The following CAST variants were observed in gnomAD, a reference collection of about 807,000 sequenced individuals.
The protein encoded by CAST is MIR583 host.
Under a neutral mutation model 119.6 loss-of-function variants are expected in CAST, and 76 were observed. The ratio of observed to expected loss-of-function variants is 0.64; its 90% confidence interval spans 0.53 to 0.77. The LOEUF (loss-of-function observed/expected upper bound fraction) is 0.77. Ranked by LOEUF, CAST falls within the 30% of genes least tolerant of loss-of-function variation. CAST has a pLI of 0.00. For missense variants in CAST, 953 were observed against 946.5 expected (o/e 1.01, Z -0.09); for synonymous variants, 319 against 331.6 (o/e 0.96, Z 0.41).
At chr5:96,078,552 C>A in the CAST span, among the ~76,000 whole-genome samples, 1 of 152,116 alleles carries the variant, frequency 6.6e-6, no homozygotes, top group Admixed American at 6.6e-5. Context: ...TGCCACCACG[C>A]CCGGCTAATT....
the CAST span, chr5:96,393,398 C>T: frequency 6.2e-7 from 1 of 1,613,088 alleles, no homozygotes; most frequent in Admixed American, 1.7e-5. Flanking sequence ...AGAATGCCAT[C>T]CACAAAGGGA....
chr5:95,980,118 AAAAC>A, the CAST span, among the ~76,000 whole-genome samples: 2,867 of 152,126 alleles, frequency 0.019, 80 homozygotes, highest in African/African-American at 0.064. Flanking sequence ...ACTCCATCTC[AAAAC>A]AAACAAACAA....
At chr5:96,016,565 C>T in the CAST span, among the ~76,000 whole-genome samples, 1 of 152,180 alleles carries the variant, frequency 6.6e-6, no homozygotes, top group Admixed American at 6.5e-5. Flanking sequence ...ATTTGTCATA[C>T]CTGCACACGG....
chr5:96,168,289 C>G, the CAST span, among the ~76,000 whole-genome samples: 18 of 152,262 alleles, frequency 1.2e-4, no homozygotes, highest in African/African-American at 4.1e-4. Flanking sequence ...CTTTTGATGG[C>G]CCTTGCAGTG....
intron 25 of CAST, among the ~76,000 whole-genome samples, chr5:96,763,711 A>C (rs1217729957): frequency 6.6e-6 from 1 of 152,210 alleles, no homozygotes; most frequent in Non-Finnish European, 1.5e-5. Flanking sequence ...AATTCACGGG[A>C]GCTTTCTTTG....
At chr5:96,452,640 TAA>T in the CAST span, among the ~76,000 whole-genome samples, 7 of 90,136 alleles carry the variant, frequency 7.8e-5, no homozygotes, top group African/African-American at 2.0e-4. Context: ...TAAAGTATAA[TAA>T]AAAAAAAAAA....
chr5:96,156,872 T>C, the CAST span, among the ~76,000 whole-genome samples: 53 of 152,346 alleles, frequency 3.5e-4, no homozygotes, highest in African/African-American at 1.2e-3. Flanking sequence ...TTGAACTGCC[T>C]ACAGCAAAGG....
the CAST span, among the ~76,000 whole-genome samples, chr5:96,057,932 CT>C: frequency 1.3e-5 from 2 of 152,128 alleles, no homozygotes; most frequent in Non-Finnish European, 2.9e-5. Flanking sequence ...CATTTGCATA[CT>C]TTTCTTATGG....
At chr5:96,524,096 T>A (rs929265072), upstream of CAST, among the ~76,000 whole-genome samples, 1 of 152,212 alleles carries the variant, frequency 6.6e-6, no homozygotes, top group Admixed American at 6.5e-5. Flanking sequence ...GGAGCAGGGA[T>A]AGATCATTGA....
intron 1 of CAST, among the ~76,000 whole-genome samples, chr5:96,643,747 C>T (rs1411709802): frequency 3.9e-5 from 6 of 152,148 alleles, no homozygotes; most frequent in African/African-American, 1.4e-4. Flanking sequence ...GTGGCGCGCA[C>T]CTGTAATCCC....
Position 96,544,617 on chromosome 5 carries a change from AAAG to A in CAST, c.60+14741_60+14743del, listed in dbSNP as rs577980591. On this transcript the variant is annotated intron_variant, in intron 1 of 11. Transcript: ENST00000505143. ...TTAAGGAAACCATTAAAACAATAAAAAAGAAGTATAATTGATAAGCTGAGAGAT... is the reference window on the plus strand; with the variant it reads ...TTAAGGAAACCATTAAAACAATAAAAAAGTATAATTGATAAGCTGAGAGAT... 1.8e-3 allele frequency among the ~76,000 whole-genome samples: 277 copies of A among 152,266 alleles called. 3 individuals carry two copies. The highest frequency in any genetic ancestry group is 6.2e-3 in the African/African-American group (259 of 41,572).
chr5:96,227,178 A>G, the CAST span, among the ~76,000 whole-genome samples: 7 of 152,304 alleles, frequency 4.6e-5, no homozygotes, highest in Non-Finnish European at 1.0e-4. Context: ...AATTCTCTGT[A>G]AAAAATGAAG....
the CAST span, among the ~76,000 whole-genome samples, chr5:96,268,433 C>T: frequency 6.6e-6 from 1 of 151,966 alleles, no homozygotes; most frequent in African/African-American, 2.4e-5. Context: ...TTATAATTAG[C>T]TGAATATGGA....
At chr5:96,334,045 A>G in the CAST span, among the ~76,000 whole-genome samples, 1 of 152,178 alleles carries the variant, frequency 6.6e-6, no homozygotes, top group Non-Finnish European at 1.5e-5. Context: ...CTATTAGCAA[A>G]CTTGCTACCT....
chr5:95,993,443 G>C, the CAST span, among the ~76,000 whole-genome samples: 1 of 152,108 alleles, frequency 6.6e-6, no homozygotes, highest in African/African-American at 2.4e-5. Context: ...AGACATTTTT[G>C]GTTATCACAA....
At chr5:96,169,997 A>G in the CAST span, among the ~76,000 whole-genome samples, 289 of 152,280 alleles carry the variant, frequency 1.9e-3, no homozygotes, top group Non-Finnish European at 3.2e-3. Context: ...ATGGAGGCAA[A>G]GGAACAAGGC....
chr5:96,024,174 T>C, the CAST span, among the ~76,000 whole-genome samples: 1 of 152,198 alleles, frequency 6.6e-6, no homozygotes, highest in Non-Finnish European at 1.5e-5. Flanking sequence ...TCTAGAATAG[T>C]AGAAAAGTTT....
chr5:96,711,457 CAA>C (rs1360575913), intron 3 of CAST, among the ~76,000 whole-genome samples: 2 of 152,078 alleles, frequency 1.3e-5, no homozygotes, highest in Non-Finnish European at 2.9e-5. Context: ...TAAATAGAAA[CAA>C]ATAAATTTAA....
chr5:96,470,905 G>A, the CAST span, among the ~76,000 whole-genome samples: 1 of 152,076 alleles, frequency 6.6e-6, no homozygotes, highest in South Asian at 2.1e-4. Context: ...AATATACGCA[G>A]ATGTTGCAAA....
Sources: gnomAD v4.1 joint callset for allele counts (sites outside exome capture counted in the v4.1 genomes callset) on GRCh38, gnomAD v4.1.1 for gene constraint, MANE v1.5 for transcripts, NCBI Gene and HGNC (gene_info 2026-07-23, HGNC 2026-07-21) for gene names.